GRAMD4: variants seen among roughly 807,000 people sequenced by gnomAD.
GRAMD4 encodes the protein GRAM domain-containing protein 4.
A neutral mutation model predicts 83.9 loss-of-function variants in GRAMD4; 25 were observed. The observed-to-expected ratio is 0.30, with a 90% CI of 0.22 to 0.42. The LOEUF is 0.42. Ranked by LOEUF, GRAMD4 falls within the 10% of genes least tolerant of loss-of-function variation. The pLI is 1.00. For synonymous variants in GRAMD4, 336 were observed against 320.9 expected, an observed-to-expected ratio of 1.05 and a Z score of -0.50; for missense variants, 593 against 788.7, an observed-to-expected ratio of 0.75 and a Z score of 2.97.
chr22:46,603,988 C>T (rs184321184), intron 1 of GRAMD4, among the ~76,000 whole-genome samples: 1 of 152,156 alleles, frequency 6.6e-6, no homozygotes, highest in African/African-American at 2.4e-5. Flanking sequence ...GGTGCAGAGC[C>T]AGCCTTATCT....
intron 3 of GRAMD4, among the ~76,000 whole-genome samples, chr22:46,644,709 T>G (rs922320833): frequency 5.1e-5 from 3 of 59,326 alleles, no homozygotes; most frequent in East Asian, 7.2e-4. Context: ...TTTTTTTTTT[T>G]TTTTTTTTTT....
Position 46,635,701 on chromosome 22 carries a change from C to T in GRAMD4, c.163-2139C>T. On this transcript the variant is annotated intron_variant, in intron 2 of 18. Coordinates refer to ENST00000406902, the MANE Select transcript of GRAMD4 (RefSeq NM_015124.5). ...CCAGGGGAGCTGTGTCCTCCCTGCTCCCCACCCCTGACCACTCCTGTCCTG... is the reference window on the plus strand; with the variant it reads ...CCAGGGGAGCTGTGTCCTCCCTGCTTCCCACCCCTGACCACTCCTGTCCTG... 1.6e-5 allele frequency among the ~76,000 whole-genome samples: 2 copies of T among 125,720 alleles called. 1 individual carries two copies. Among genetic ancestry groups the T allele is most frequent in the Non-Finnish European group, 3.3e-5 (2 of 60,070 alleles). The allele number at this position is 125,720 out of a possible 152,430, so 82.5% of individuals were successfully genotyped here.
At position 46,661,374 on chromosome 22, in the gene GRAMD4, T is replaced by G. The variant is rs1374788104; in HGVS notation, c.405-7T>G. 1 of 1,611,712 alleles carries G rather than the reference T, an allele frequency of 6.2e-7. No individual in the cohort carries two copies. The highest frequency in any genetic ancestry group is 1.3e-5 in the African/African-American group (1 of 75,002). On this transcript the variant is annotated splice_polypyrimidine_tract_variant and splice_region_variant and intron_variant, in intron 4 of 18. Coordinates refer to ENST00000406902, the MANE Select transcript of GRAMD4 (RefSeq NM_015124.5). ...ACCTCTTGTCTCTTCTCTCCCTGCT[T>G]TTTAAGAACCGAGGAGCAGATGGCT...
At chr22:46,669,555 CTTTG>C (rs1252076445) in intron 13 of GRAMD4, among the ~76,000 whole-genome samples, 1 of 151,550 alleles carries the variant, frequency 6.6e-6, no homozygotes, top group Non-Finnish European at 1.5e-5. Context: ...TTCTCCTTTT[CTTTG>C]TTTTTGTCTC....
At chr22:46,675,134 G>A (rs1380145546) in intron 16 of GRAMD4, among the ~76,000 whole-genome samples, 1 of 152,192 alleles carries the variant, frequency 6.6e-6, no homozygotes, top group Admixed American at 6.5e-5. Context: ...ACTCAGAGCA[G>A]TGGCTGTGAA....
chr22:46,630,884 C>T (rs1011072260), intron 2 of GRAMD4, among the ~76,000 whole-genome samples: 5 of 89,012 alleles, frequency 5.6e-5, no homozygotes, highest in African/African-American at 1.6e-4. Context: ...GGCCGTGTGC[C>T]CTCACCCCGG....
chr22:46,619,196 C>T (rs114533481), upstream of GRAMD4, among the ~76,000 whole-genome samples: 538 of 152,250 alleles, frequency 3.5e-3, 2 homozygotes, highest in African/African-American at 0.012. Flanking sequence ...AGGTCGGGCA[C>T]GGGCTGGAAG....
At chr22:46,607,205 A>AGGC (rs1555956234) in intron 1 of GRAMD4, among the ~76,000 whole-genome samples, 1 of 108,862 alleles carries the variant, frequency 9.2e-6, no homozygotes, top group Non-Finnish European at 2.1e-5. Flanking sequence ...GTCTTTAAAA[A>AGGC]GGGGGGGGTC....
At chr22:46,587,106 G>A (rs968539909) in intron 1 of GRAMD4, among the ~76,000 whole-genome samples, 1 of 152,202 alleles carries the variant, frequency 6.6e-6, no homozygotes, top group African/African-American at 2.4e-5. Flanking sequence ...GTTTGCCACA[G>A]AACCCTGATG....
chr22:46,617,463 C>T (rs1004514562), upstream of GRAMD4, among the ~76,000 whole-genome samples: 2 of 151,456 alleles, frequency 1.3e-5, no homozygotes, highest in African/African-American at 4.9e-5. Context: ...GTGTAGGTTC[C>T]CCTGTGTGTA....
rs2081455377 is a variant in GRAMD4 at position 46,614,827 on chromosome 22, A to ATG, written c.-49-11923_-49-11922insGT. Among the ~76,000 whole-genome samples the ATG allele has an allele frequency of 3.8e-4, 9 of 23,552 alleles. No homozygotes were observed. In the South Asian group the frequency reaches 0.011, roughly 29 times the overall value. 15.5% of individuals were successfully genotyped at this position (23,552 alleles called of 152,430 possible). A position where few individuals can be genotyped will look rare whatever the true frequency, so the allele number is the denominator to read the frequency against. ...CCGTGTGTAGGTTCCCCTGTGCTTTATAGGTTCTCCTGTGCTTGTAGCTTC... is the reference window on the plus strand; with the variant it reads ...CCGTGTGTAGGTTCCCCTGTGCTTTATGTAGGTTCTCCTGTGCTTGTAGCTTC... On this transcript the variant is annotated intron_variant, in intron 1 of 1. Transcript: ENST00000431155.
intron 1 of GRAMD4, among the ~76,000 whole-genome samples, chr22:46,605,954 G>T: frequency 7.7e-6 from 1 of 129,516 alleles, no homozygotes. Flanking sequence ...ATGGGCTTAT[G>T]GCTGGTGCTG....
chr22:46,620,308 G>A, upstream of GRAMD4: 3 of 985,754 alleles, frequency 3.0e-6, no homozygotes, highest in Non-Finnish European at 3.6e-6. The surrounding 1 kb of genome is among the most constrained non-coding windows in gnomAD (Gnocchi z 4.7). Context: ...CCTGGAGCCT[G>A]GCCGGGCGCC....
intron 3 of GRAMD4, among the ~76,000 whole-genome samples, chr22:46,639,511 C>T (rs909724796): frequency 6.9e-6 from 1 of 144,868 alleles, no homozygotes; most frequent in African/African-American, 2.6e-5. Flanking sequence ...TGTGTGTGAG[C>T]GTGTGCAGTG....
rs181370587 is a variant in GRAMD4, at chr22:46,652,159, G to A, written c.284-6028G>A. On this transcript the variant is annotated intron_variant, in intron 3 of 18. Coordinates refer to ENST00000406902, the MANE Select transcript of GRAMD4 (RefSeq NM_015124.5). ...GGGACTTTGTAGATGTGGATGAGTC[G>A]CCGACCTTTGGTGGAGATGGTTCTG... Among the ~76,000 whole-genome samples the A allele has an allele frequency of 4.6e-3, 699 of 152,232 alleles. 4 individuals carry two copies. The highest frequency in any genetic ancestry group is 0.035 in the South Asian group (171 of 4,822).
At chr22:46,592,702 A>G (rs982250071) in intron 1 of GRAMD4, among the ~76,000 whole-genome samples, 5 of 152,112 alleles carry the variant, frequency 3.3e-5, no homozygotes, top group African/African-American at 1.2e-4. Flanking sequence ...CAGCTCTGCA[A>G]GGGGCTTTAA....
chr22:46,676,987 T>C (rs2082608532), intron 18 of GRAMD4, among the ~76,000 whole-genome samples, 160 bp from the exon 19 acceptor site: 1 of 152,212 alleles, frequency 6.6e-6, no homozygotes, highest in Non-Finnish European at 1.5e-5. Context: ...CCCTGAAGGC[T>C]GGAGCCTGGC....
At chr22:46,583,363 C>T (rs1414666560) in intron 1 of GRAMD4, among the ~76,000 whole-genome samples, 1 of 152,220 alleles carries the variant, frequency 6.6e-6, no homozygotes, top group African/African-American at 2.4e-5. Flanking sequence ...TGTTACAATC[C>T]ATGGACTAAT....
intron 1 of GRAMD4, among the ~76,000 whole-genome samples, chr22:46,578,051 C>A (rs1012463986): frequency 6.6e-6 from 1 of 152,244 alleles, no homozygotes; most frequent in Non-Finnish European, 1.5e-5. Context: ...GAAGGTGCAG[C>A]AGTGCCCCGG....
Sources: allele counts gnomAD v4.1 joint callset (sites outside exome capture counted in the v4.1 genomes callset), GRCh38; gene constraint gnomAD v4.1.1; non-coding constraint Gnocchi (gnomAD v3.1); transcripts MANE v1.5; gene names NCBI Gene and HGNC (gene_info 2026-07-23, HGNC 2026-07-21).